Variants in IQUB observed in about 807,000 individuals in gnomAD.
The protein encoded by IQUB is IQ motif and ubiquitin-like domain-containing protein.
A neutral mutation model predicts 86.4 loss-of-function variants in IQUB; 86 were observed. The ratio of observed to expected loss-of-function variants is 1.00; its 90% CI spans 0.84 to 1.19. IQUB has a LOEUF of 1.19. Among genes scored for constraint, IQUB ranks in the 50% most tolerant of loss-of-function variants. The probability of loss-of-function intolerance (pLI) is 0.00; values close to 1 mark genes in which losing one functional copy is unlikely to be tolerated. For missense variants in IQUB, 946 were observed against 916.9 expected (o/e 1.03, Z -0.41); for synonymous variants, 289 against 304.5 (o/e 0.95, Z 0.53).
chr7:123,529,809 C>T (rs538229252), intron 1 of IQUB, among the ~76,000 whole-genome samples: 15 of 148,202 alleles, frequency 1.0e-4, no homozygotes, highest in South Asian at 2.1e-4. Flanking sequence ...GCTGAGCAGA[C>T]GGATCACAAG....
rs754955308 is a variant in IQUB, at chr7:123,496,713, A to G, written c.1217T>C (p.Leu406Pro). The G allele has an allele frequency of 1.9e-6, 3 of 1,602,160 alleles. No individual in the cohort carries two copies. In the South Asian group the frequency reaches 3.4e-5, roughly 18 times the overall value. ...NPKTNEDFEF[L>P]YNALEFWRQE... ...CAACTTACATTCTAATGCATTATAA[A>G]GAAATTCAAAATCTTCATTTGTTTT... The change falls in exon 7 of 13, where the codon CTT becomes CCT. Residue 406 changes from leucine to proline, a missense_variant. Coordinates refer to ENST00000324698, the MANE Select transcript of IQUB (RefSeq NM_178827.5).
rs1256783885 is a variant in IQUB, at chr7:123,485,751, C to T, written c.1235-5781G>A. Among the ~76,000 whole-genome samples, 15 of 152,126 alleles carry T rather than the reference C, an allele frequency of 9.9e-5. 1 individual carries two copies. The highest frequency in any genetic ancestry group is 2.2e-4 in the Non-Finnish European group (15 of 68,020). On this transcript the variant is annotated intron_variant, in intron 7 of 12. Coordinates refer to ENST00000324698, the MANE Select transcript of IQUB (RefSeq NM_178827.5). ...ACCATTGGCAGTTTTGATGCATCTG[C>T]ATGTTAAAATTCTCATCACAGACTA... is the stretch of plus-strand genomic sequence containing the variant.
chr7:123,474,167 A>G (rs1184483154), intron 8 of IQUB, among the ~76,000 whole-genome samples: 1 of 152,254 alleles, frequency 6.6e-6, no homozygotes, highest in East Asian at 1.9e-4. Flanking sequence ...AACTGAAACT[A>G]AAATATAAAA....
chr7:123,505,358 G>T (rs900781269), intron 3 of IQUB, among the ~76,000 whole-genome samples: 3 of 152,196 alleles, frequency 2.0e-5, no homozygotes, highest in Admixed American at 6.5e-5. Context: ...CTGTGTGGGG[G>T]CTCCAATCAC....
chr7:123,516,601 T>C (rs1796646901), intron 1 of IQUB, among the ~76,000 whole-genome samples: 1 of 152,184 alleles, frequency 6.6e-6, no homozygotes, highest in East Asian at 1.9e-4. Context: ...ATATTCATGT[T>C]TGTTTCTATT....
intron 3 of IQUB, among the ~76,000 whole-genome samples, chr7:123,507,635 C>CT (rs1796240716): frequency 6.6e-6 from 1 of 152,120 alleles, no homozygotes; most frequent in Non-Finnish European, 1.5e-5. Context: ...AATCCCAGCA[C>CT]TTTGCAAGGC....
intron 10 of IQUB, among the ~76,000 whole-genome samples, chr7:123,463,549 G>A (rs1794100294): frequency 6.6e-6 from 1 of 151,780 alleles, no homozygotes; most frequent in Non-Finnish European, 1.5e-5. Context: ...CATATAGTAT[G>A]ATTCCATTTA....
chr7:123,501,501 A>C, intron 6 of IQUB: 1 of 152,338 alleles, frequency 6.6e-6, no homozygotes, highest in South Asian at 2.1e-4. Context: ...CTTCTTACTC[A>C]CTGAGAAACT....
intron 2 of IQUB, among the ~76,000 whole-genome samples, chr7:123,510,720 T>C (rs1011674858): frequency 2.6e-5 from 4 of 152,112 alleles, no homozygotes; most frequent in African/African-American, 9.6e-5. Flanking sequence ...AAATAAGACA[T>C]TTATCAATAA....
chr7:123,465,339 C>G (rs941990988), intron 9 of IQUB, among the ~76,000 whole-genome samples: 1 of 151,708 alleles, frequency 6.6e-6, no homozygotes, highest in Non-Finnish European at 1.5e-5. Context: ...AAGATTTATA[C>G]AGAGGTGGTA....
At chr7:123,469,172 G>A (rs1794408243) in intron 9 of IQUB, 42 bp downstream of exon 9, 1 of 1,278,550 alleles carries the variant, frequency 7.8e-7, no homozygotes, top group Non-Finnish European at 1.0e-6. Context: ...TTTTTTTATT[G>A]ACAGTGAACT....
intron 10 of IQUB, chr7:123,462,903 A>G (rs915260863): frequency 2.5e-5 from 11 of 447,276 alleles, no homozygotes; most frequent in African/African-American, 2.0e-4. Flanking sequence ...CATTTAAGCT[A>G]CAGAATTAAA....
intron 7 of IQUB, among the ~76,000 whole-genome samples, chr7:123,486,244 A>G (rs1012215108): frequency 3.3e-5 from 5 of 152,228 alleles, no homozygotes; most frequent in African/African-American, 9.6e-5. Context: ...ATACAGAAAT[A>G]TGTACCCAAC....
intron 3 of IQUB, among the ~76,000 whole-genome samples, chr7:123,509,441 T>C (rs924706459): frequency 3.3e-5 from 5 of 152,120 alleles, no homozygotes; most frequent in African/African-American, 9.7e-5. Flanking sequence ...GCTACCCATA[T>C]ATAATCTATT....
chr7:123,492,501 C>T (rs1253765435), intron 7 of IQUB, among the ~76,000 whole-genome samples: 1 of 152,164 alleles, frequency 6.6e-6, no homozygotes, highest in Non-Finnish European at 1.5e-5. Context: ...GCATGATTCA[C>T]ACGAGAAGAA....
At chr7:123,533,593 AACATAAAT>A (rs3034864) in intron 1 of IQUB, among the ~76,000 whole-genome samples, 42,706 of 151,814 alleles carry the variant, frequency 0.28, 6,052 homozygotes, top group East Asian at 0.32. Flanking sequence ...CTCACAATGA[AACATAAAT>A]ACATAAATTC....
At chr7:123,520,806 G>T (rs1796869794) in intron 1 of IQUB, among the ~76,000 whole-genome samples, 1 of 152,104 alleles carries the variant, frequency 6.6e-6, no homozygotes, top group Admixed American at 6.6e-5. Flanking sequence ...GAGATGATGA[G>T]AAGTGCTGAC....
chr7:123,481,927 G>GA (rs1478493483), intron 7 of IQUB, among the ~76,000 whole-genome samples: 2 of 151,928 alleles, frequency 1.3e-5, no homozygotes, highest in Non-Finnish European at 2.9e-5. Context: ...TTTTTCTGTT[G>GA]AAAATAAGAT....
chr7:123,497,012 T>G (rs1562857660), intron 6 of IQUB, 106 bp from the exon 7 acceptor site: 2 of 684,302 alleles, frequency 2.9e-6, no homozygotes, highest in African/African-American at 3.7e-5. Context: ...ACAAAATAAC[T>G]GAGTCTAGTT....
Sources: allele counts gnomAD v4.1 joint callset (sites outside exome capture counted in the v4.1 genomes callset), GRCh38; gene constraint gnomAD v4.1.1; transcripts MANE v1.5; gene names NCBI Gene and HGNC (gene_info 2026-07-23, HGNC 2026-07-21).